Variants in NRXN3 observed in about 807,000 individuals in gnomAD.
The protein encoded by NRXN3 is neurexin 3, also known as neurexin III.
Under a neutral mutation model 137.6 loss-of-function variants are expected in NRXN3, and 32 were observed. The ratio of observed to expected loss-of-function variants is 0.23; its 90% CI spans 0.18 to 0.31. The LOEUF (loss-of-function observed/expected upper bound fraction) is 0.31, where lower values mean the gene tolerates loss of function less well. Ranked by LOEUF, NRXN3 falls within the 10% of genes least tolerant of loss-of-function variation. The probability of loss-of-function intolerance (pLI) is 1.00; values close to 1 mark genes in which losing one functional copy is unlikely to be tolerated. For missense variants in NRXN3, 1,574 were observed against 2,062.5 expected, an observed-to-expected ratio of 0.76 and a Z score of 4.59; for synonymous variants, 798 against 784.5, an observed-to-expected ratio of 1.02 and a Z score of -0.29.
intron 16 of NRXN3, among the ~76,000 whole-genome samples, chr14:79,656,878 C>T (rs890053349): frequency 2.0e-4 from 31 of 152,028 alleles, no homozygotes; most frequent in Admixed American, 1.5e-3. Context: ...GTTTTCAAGC[C>T]ATTTAATATG....
intron 4 of NRXN3, among the ~76,000 whole-genome samples, chr14:78,430,268 T>G (rs2093828568): frequency 6.6e-6 from 1 of 152,162 alleles, no homozygotes. Flanking sequence ...GAATAATTAT[T>G]TTATCCCATT....
At chr14:79,595,610 T>C (rs987324305) in intron 16 of NRXN3, among the ~76,000 whole-genome samples, 2 of 152,172 alleles carry the variant, frequency 1.3e-5, no homozygotes, top group African/African-American at 4.8e-5. Flanking sequence ...CCTAAAGCAC[T>C]GAAAATTTAG....
At chr14:78,532,833 G>A (rs2096487005) in intron 4 of NRXN3, among the ~76,000 whole-genome samples, 2 of 151,488 alleles carry the variant, frequency 1.3e-5, no homozygotes, top group Non-Finnish European at 2.9e-5. Flanking sequence ...TCATGCCTAG[G>A]TCAATGATTT....
intron 8 of NRXN3, among the ~76,000 whole-genome samples, chr14:78,720,743 T>C (rs1050462011): frequency 1.3e-5 from 2 of 152,218 alleles, no homozygotes; most frequent in African/African-American, 4.8e-5. Context: ...CAAATTCATT[T>C]TGTGTCTTCT....
intron 10 of NRXN3, among the ~76,000 whole-genome samples, chr14:78,830,951 A>G (rs2098979896): frequency 6.6e-6 from 1 of 152,214 alleles, no homozygotes; most frequent in Admixed American, 6.5e-5. Flanking sequence ...TATTTAAAAT[A>G]TTTCACATAT....
chr14:78,900,205 A>ATT (rs575746274), intron 10 of NRXN3, among the ~76,000 whole-genome samples: 17 of 150,870 alleles, frequency 1.1e-4, no homozygotes, highest in African/African-American at 3.9e-4. Context: ...AGTGGGTTCT[A>ATT]TTTTTTTTTC....
At chr14:78,198,141 G>A (rs1307281538) in intron 1 of NRXN3, among the ~76,000 whole-genome samples, 1 of 152,184 alleles carries the variant, frequency 6.6e-6, no homozygotes, top group Non-Finnish European at 1.5e-5. Flanking sequence ...CTGCTGGGAT[G>A]GTTTCTATCT....
intron 15 of NRXN3, among the ~76,000 whole-genome samples, chr14:79,093,937 G>C (rs1291556489): frequency 6.6e-6 from 1 of 151,892 alleles, no homozygotes; most frequent in Admixed American, 6.6e-5. Context: ...TCAAATAAAG[G>C]GGTTGCAGGG....
chr14:78,294,880 G>C (rs569384471), intron 3 of NRXN3, among the ~76,000 whole-genome samples: 1 of 152,264 alleles, frequency 6.6e-6, no homozygotes, highest in South Asian at 2.1e-4. Context: ...AGAGGTCAGG[G>C]ATGATGTCCC....
chr14:79,098,705 A>G (rs11846325), intron 15 of NRXN3, among the ~76,000 whole-genome samples: 9,342 of 152,272 alleles, frequency 0.061, 869 homozygotes, highest in African/African-American at 0.2. Flanking sequence ...GGATGCCACA[A>G]TGGTGCCTGC....
chr14:78,350,977 A>T (rs202235235), intron 4 of NRXN3, among the ~76,000 whole-genome samples: 2 of 1,330 alleles, frequency 1.5e-3, no homozygotes, highest in African/African-American at 2.0e-3. Flanking sequence ...TATAAAAATT[A>T]AAAAAAATTA....
chr14:78,911,654 A>G (rs1406946001), intron 10 of NRXN3, among the ~76,000 whole-genome samples: 1 of 152,150 alleles, frequency 6.6e-6, no homozygotes, highest in Non-Finnish European at 1.5e-5. Context: ...TTTTGCTGTC[A>G]TTTGAAAGCA....
At chr14:78,971,461 GA>G (rs2099440271) in intron 14 of NRXN3, among the ~76,000 whole-genome samples, 1 of 151,188 alleles carries the variant, frequency 6.6e-6, no homozygotes, top group African/African-American at 2.4e-5. Flanking sequence ...CACACAGATA[GA>G]TAAGTATCTG....
chr14:79,414,935 A>G (rs1567061158), intron 15 of NRXN3, among the ~76,000 whole-genome samples: 1 of 152,092 alleles, frequency 6.6e-6, no homozygotes, highest in Admixed American at 6.6e-5. Flanking sequence ...TTTAGATTCA[A>G]TATATAAGTG....
rs1312902864 is a variant in NRXN3 at position 78,926,897 on chromosome 14, T to C, written c.2276-30345T>C. Among the ~76,000 whole-genome samples, 7 of 27,946 alleles carry C rather than the reference T, an allele frequency of 2.5e-4. 1 individual carries two copies. Among genetic ancestry groups the C allele is most frequent in the African/African-American group, 5.7e-4 (2 of 3,510 alleles). 18.3% of individuals were successfully genotyped at this position (27,946 alleles called of 152,430 possible). On this transcript the variant is annotated intron_variant, in intron 10 of 20. Coordinates refer to ENST00000335750, the MANE Select transcript of NRXN3 (RefSeq NM_001330195.2). ...AATATATAATATATTTATATATATA[T>C]ATAATATATATAATATATATATAAT...
At chr14:78,765,527 T>C (rs1291535302) in intron 8 of NRXN3, among the ~76,000 whole-genome samples, 3 of 152,142 alleles carry the variant, frequency 2.0e-5, no homozygotes, top group Non-Finnish European at 4.4e-5. Context: ...ACAGGCAGAC[T>C]TCATAGCTTC....
At chr14:78,424,781 A>G (rs2093596091) in intron 4 of NRXN3, among the ~76,000 whole-genome samples, 1 of 152,206 alleles carries the variant, frequency 6.6e-6, no homozygotes, top group South Asian at 2.1e-4. Flanking sequence ...AGTCCTTCCA[A>G]CAACAAAATG....
At chr14:78,619,991 C>G (rs1475210755) in intron 4 of NRXN3, among the ~76,000 whole-genome samples, 1 of 152,120 alleles carries the variant, frequency 6.6e-6, no homozygotes, top group Non-Finnish European at 1.5e-5. Context: ...CTTGGACTTC[C>G]TAGCCTCCAG....
At chr14:79,465,633 G>T (rs984567358) in intron 15 of NRXN3, among the ~76,000 whole-genome samples, 3 of 152,108 alleles carry the variant, frequency 2.0e-5, no homozygotes, top group African/African-American at 4.8e-5. Context: ...TTCTTCTTTG[G>T]TCAACATAAT....
Sources: gnomAD v4.1 joint callset for allele counts (sites outside exome capture counted in the v4.1 genomes callset) on GRCh38, gnomAD v4.1.1 for gene constraint, MANE v1.5 for transcripts, NCBI Gene and HGNC (gene_info 2026-07-23, HGNC 2026-07-21) for gene names.